Variants in PPARGC1A observed in about 807,000 individuals in gnomAD.
PPARGC1A encodes the protein peroxisome proliferator-activated receptor gamma coactivator 1-alpha.
Under a neutral mutation model 88.7 loss-of-function variants are expected in PPARGC1A, and 25 were observed. The observed-to-expected ratio is 0.28, with a 90% confidence interval of 0.21 to 0.39. PPARGC1A has a LOEUF of 0.39. Ranked by LOEUF, PPARGC1A falls within the 10% of genes least tolerant of loss-of-function variation. The pLI, the probability that PPARGC1A is intolerant of heterozygous loss-of-function variation, is 1.00. For synonymous variants in PPARGC1A, 363 were observed against 355.6 expected (o/e 1.02, Z -0.24); for missense variants, 880 against 968.7 (o/e 0.91, Z 1.22).
chr4:24,127,005 G>A, the PPARGC1A span, among the ~76,000 whole-genome samples: 2 of 152,244 alleles, frequency 1.3e-5, no homozygotes, highest in East Asian at 1.9e-4. Flanking sequence ...CCCGAGCCAA[G>A]CCGTGGGTCA....
Position 23,831,654 on chromosome 4 carries a change from G to C in PPARGC1A, c.332C>G (p.Ala111Gly). The C allele has an allele frequency of 6.2e-7, 1 of 1,613,824 alleles. No individual in the cohort carries two copies. Among genetic ancestry groups the C allele is most frequent in the Non-Finnish European group, 8.5e-7 (1 of 1,179,760 alleles). The change falls in exon 3 of 13, where the codon GCG becomes GGG. Residue 111 changes from alanine to glycine, a missense_variant. Coordinates refer to ENST00000264867, the MANE Select transcript of PPARGC1A (RefSeq NM_013261.5). Reference sequence around the variant, plus strand: ...AGTGGTCACGTCTCCATCTGTCAGCGCATCAAATGAGGGCAATCCGTCTTC... The same window carrying C: ...AGTGGTCACGTCTCCATCTGTCAGCCCATCAAATGAGGGCAATCCGTCTTC... Reference protein sequence around the residue: ...VDEDGLPSFDALTDGDVTTDN... With the variant: ...VDEDGLPSFDGLTDGDVTTDN...
At chr4:23,961,245 C>G in the PPARGC1A span, among the ~76,000 whole-genome samples, 4 of 152,108 alleles carry the variant, frequency 2.6e-5, no homozygotes, top group Non-Finnish European at 4.4e-5. Flanking sequence ...TAATCTCCCT[C>G]TGACCAAAAT....
the PPARGC1A span, among the ~76,000 whole-genome samples, chr4:24,301,455 G>T: frequency 6.6e-6 from 1 of 152,014 alleles, no homozygotes; most frequent in Non-Finnish European, 1.5e-5. Context: ...TATTGACAGA[G>T]AAACTGAGTC....
At chr4:24,312,383 T>C in the PPARGC1A span, among the ~76,000 whole-genome samples, 52 of 83,522 alleles carry the variant, frequency 6.2e-4, 1 homozygote, top group Non-Finnish European at 1.1e-3. Flanking sequence ...TTTAGGGATA[T>C]TTTTTCCTAT....
chr4:24,255,497 T>C, the PPARGC1A span, among the ~76,000 whole-genome samples: 14 of 152,210 alleles, frequency 9.2e-5, no homozygotes, highest in Non-Finnish European at 1.8e-4. Flanking sequence ...TAGGTCTTTT[T>C]ACTTACGGCT....
the PPARGC1A span, among the ~76,000 whole-genome samples, chr4:24,049,575 A>G: frequency 6.6e-6 from 1 of 152,026 alleles, no homozygotes. Flanking sequence ...AAGAAGTTGT[A>G]TTACACATGC....
chr4:24,292,496 CT>C, the PPARGC1A span, among the ~76,000 whole-genome samples: 1 of 149,604 alleles, frequency 6.7e-6, no homozygotes, highest in Non-Finnish European at 1.5e-5. Flanking sequence ...TTCCTAACCC[CT>C]CACCCCCACC....
the PPARGC1A span, among the ~76,000 whole-genome samples, chr4:23,921,474 C>T: frequency 3.3e-5 from 5 of 152,196 alleles, no homozygotes; most frequent in Non-Finnish European, 7.3e-5. Context: ...GCTGCCCTTA[C>T]GTTAAAAATG....
the PPARGC1A span, among the ~76,000 whole-genome samples, chr4:23,912,454 A>G: frequency 6.6e-6 from 1 of 152,198 alleles, no homozygotes; most frequent in Non-Finnish European, 1.5e-5. Flanking sequence ...TGGCTCGGCT[A>G]TGGTGCTCAA....
the PPARGC1A span, among the ~76,000 whole-genome samples, chr4:24,324,052 G>C: frequency 6.6e-6 from 1 of 152,208 alleles, no homozygotes; most frequent in Non-Finnish European, 1.5e-5. Context: ...TCACGGACTG[G>C]GAAGGCAGCT....
At chr4:23,891,250 T>C (rs7695542), upstream of PPARGC1A, among the ~76,000 whole-genome samples, 8,048 of 152,164 alleles carry the variant, frequency 0.053, 295 homozygotes, top group African/African-American at 0.099. Flanking sequence ...CCTTCCAAGT[T>C]CCCAGGAGAT....
the PPARGC1A span, among the ~76,000 whole-genome samples, chr4:24,327,723 T>A: frequency 6.6e-6 from 1 of 151,904 alleles, no homozygotes; most frequent in African/African-American, 2.4e-5. Flanking sequence ...CTGAGAAACA[T>A]CACCCAGTCT....
chr4:24,361,614 T>A, the PPARGC1A span, among the ~76,000 whole-genome samples: 1 of 152,220 alleles, frequency 6.6e-6, no homozygotes, highest in African/African-American at 2.4e-5. Context: ...AATGCCTCCA[T>A]TTTAGCTTTT....
At chr4:24,467,266 A>C in the PPARGC1A span, among the ~76,000 whole-genome samples, 1 of 152,208 alleles carries the variant, frequency 6.6e-6, no homozygotes, top group Admixed American at 6.5e-5. Flanking sequence ...AATTGGAGTT[A>C]TGTGAAAAGT....
At chr4:23,838,469 G>A (rs760258528) in intron 2 of PPARGC1A, among the ~76,000 whole-genome samples, 4 of 152,008 alleles carry the variant, frequency 2.6e-5, no homozygotes, top group Non-Finnish European at 5.9e-5. Context: ...GGCACTGGAC[G>A]GTGGGGAAAA....
chr4:23,981,200 G>T, the PPARGC1A span, among the ~76,000 whole-genome samples: 1 of 151,874 alleles, frequency 6.6e-6, no homozygotes. Context: ...AGAAGGCAAT[G>T]GACTTTTAGT....
At chr4:23,877,526 A>G (rs1421775202) in intron 2 of PPARGC1A, among the ~76,000 whole-genome samples, 1 of 121,332 alleles carries the variant, frequency 8.2e-6, no homozygotes, top group African/African-American at 3.2e-5. Flanking sequence ...CGACAGAGCG[A>G]GACTCCATCT....
At chr4:24,056,095 A>G in the PPARGC1A span, among the ~76,000 whole-genome samples, 1 of 152,210 alleles carries the variant, frequency 6.6e-6, no homozygotes, top group Admixed American at 6.5e-5. Context: ...AGGCGAACAA[A>G]TTTTCCTAAA....
chr4:24,332,466 T>C, the PPARGC1A span, among the ~76,000 whole-genome samples: 1 of 152,332 alleles, frequency 6.6e-6, no homozygotes, highest in Admixed American at 6.5e-5. Context: ...TCCTGGTATC[T>C]AGAACAGAGT....
Sources: allele counts gnomAD v4.1 joint callset (sites outside exome capture counted in the v4.1 genomes callset), GRCh38; gene constraint gnomAD v4.1.1; transcripts MANE v1.5; gene names NCBI Gene and HGNC (gene_info 2026-07-23, HGNC 2026-07-21).